The following ZNF385D variants were observed in gnomAD, a reference collection of about 807,000 sequenced individuals.
ZNF385D encodes the protein zinc finger protein 659.
ZNF385D carries 15 observed loss-of-function variants against 35.8 expected under a neutral mutation model. That is an observed-to-expected ratio of 0.42 (90% CI 0.28 to 0.64). The LOEUF (loss-of-function observed/expected upper bound fraction) is 0.64. ZNF385D is among the 30% of genes least tolerant of loss of function. The pLI is 0.23. For synonymous variants in ZNF385D, 212 were observed against 186.8 expected, an observed-to-expected ratio of 1.13 and a Z score of -1.10; for missense variants, 474 against 494.6, an observed-to-expected ratio of 0.96 and a Z score of 0.39.
At chr3:21,486,311 A>C (rs1379718734) in intron 4 of ZNF385D, among the ~76,000 whole-genome samples, 2 of 148,066 alleles carry the variant, frequency 1.4e-5, no homozygotes, top group African/African-American at 5.0e-5. Context: ...TTATAACTAC[A>C]TATGAAGAAA....
At chr3:21,928,247 A>G (rs1700832136) in intron 3 of ZNF385D, among the ~76,000 whole-genome samples, 1 of 137,518 alleles carries the variant, frequency 7.3e-6, no homozygotes, top group African/African-American at 2.7e-5. Context: ...CGGAAGGAAG[A>G]AAGGAAGGAA....
intron 1 of ZNF385D, among the ~76,000 whole-genome samples, chr3:21,725,651 A>G (rs764067637): frequency 1.6e-4 from 24 of 152,344 alleles, no homozygotes; most frequent in South Asian, 8.3e-4. Flanking sequence ...GAATCTCTGC[A>G]TAGAACAATA....
At chr3:22,256,088 T>TG (rs1366008284) in intron 2 of ZNF385D, among the ~76,000 whole-genome samples, 1 of 151,758 alleles carries the variant, frequency 6.6e-6, no homozygotes, top group East Asian at 1.9e-4. Flanking sequence ...CCATGGTGGA[T>TG]GCTTCCTGCC....
At chr3:21,856,271 A>G (rs1218576179) in intron 3 of ZNF385D, among the ~76,000 whole-genome samples, 1 of 141,108 alleles carries the variant, frequency 7.1e-6, no homozygotes, top group Non-Finnish European at 1.5e-5. Flanking sequence ...AAGTGCAGAC[A>G]CTGGAATGTC....
At chr3:21,706,377 C>G (rs2067899725) in intron 1 of ZNF385D, among the ~76,000 whole-genome samples, 1 of 151,836 alleles carries the variant, frequency 6.6e-6, no homozygotes, top group Non-Finnish European at 1.5e-5. Flanking sequence ...ACACTGGGAT[C>G]AATGAAGAAC....
intron 3 of ZNF385D, among the ~76,000 whole-genome samples, chr3:21,949,575 C>G (rs1344345406): frequency 7.5e-5 from 7 of 93,862 alleles, no homozygotes; most frequent in Non-Finnish European, 1.5e-4. Flanking sequence ...TTTTTTAATA[C>G]TTTTAAGTTC....
At chr3:21,561,348 C>A (rs147957764) in intron 3 of ZNF385D, among the ~76,000 whole-genome samples, 7 of 152,160 alleles carry the variant, frequency 4.6e-5, no homozygotes, top group Admixed American at 3.3e-4. Flanking sequence ...TGGGCTGGAG[C>A]GCACAATTCC....
At chr3:22,244,359 G>A (rs1180434199) in intron 2 of ZNF385D, among the ~76,000 whole-genome samples, 4 of 34,286 alleles carry the variant, frequency 1.2e-4, no homozygotes, top group Admixed American at 5.6e-4. Flanking sequence ...CCAGACAACC[G>A]AATGTAAAAA....
At chr3:21,545,015 G>A (rs569815378) in intron 3 of ZNF385D, among the ~76,000 whole-genome samples, 24 of 152,304 alleles carry the variant, frequency 1.6e-4, no homozygotes, top group African/African-American at 5.5e-4. Context: ...GGTGAATAAT[G>A]CTAACATATG....
At chr3:22,196,593 AAT>A (rs1000780037) in intron 2 of ZNF385D, among the ~76,000 whole-genome samples, 1 of 151,974 alleles carries the variant, frequency 6.6e-6, no homozygotes, top group Non-Finnish European at 1.5e-5. Context: ...CAGAGATTAC[AAT>A]ATCTTTCCTC....
chr3:22,173,308 C>T (rs113493598), intron 2 of ZNF385D, among the ~76,000 whole-genome samples: 5,177 of 152,020 alleles, frequency 0.034, 142 homozygotes, highest in South Asian at 0.11. Flanking sequence ...CCAAATAAAA[C>T]GTAGAGTATC....
At chr3:22,304,205 T>C (rs746094909) in intron 2 of ZNF385D, among the ~76,000 whole-genome samples, 13 of 152,234 alleles carry the variant, frequency 8.5e-5, no homozygotes, top group Non-Finnish European at 1.5e-4. Flanking sequence ...CTCTAAAGAA[T>C]ATCCCTGTAT....
At chr3:21,773,949 A>C (rs190248194) in intron 3 of ZNF385D, among the ~76,000 whole-genome samples, 18 of 152,000 alleles carry the variant, frequency 1.2e-4, no homozygotes, top group African/African-American at 4.3e-4. Flanking sequence ...AAATCATTCT[A>C]TTGTAAAGAT....
chr3:21,842,085 T>A lies in ZNF385D; in HGVS notation c.326-177057A>T, dbSNP rs1183844864. On this transcript the variant is annotated intron_variant, in intron 3 of 5. Transcript: ENST00000494108. ...TAAAATTTAGATTTTTTGTTAAATTTAAAACTATATGTTATTTTAAAGCTG... is the reference window on the plus strand; with the variant it reads ...TAAAATTTAGATTTTTTGTTAAATTAAAAACTATATGTTATTTTAAAGCTG... Among the ~76,000 whole-genome samples the A allele has an allele frequency of 3.9e-5, 6 of 152,056 alleles. No homozygotes were observed. The East Asian group carries it at 1.2e-3, about 29-fold the overall frequency.
At chr3:21,623,852 A>T (rs1049464065) in intron 2 of ZNF385D, among the ~76,000 whole-genome samples, 4 of 152,228 alleles carry the variant, frequency 2.6e-5, no homozygotes, top group Non-Finnish European at 2.9e-5. Context: ...TGAGCTGAAG[A>T]TTCTCTTTCT....
intron 5 of ZNF385D, among the ~76,000 whole-genome samples, chr3:21,432,324 G>A (rs924428023): frequency 2.0e-5 from 3 of 152,014 alleles, no homozygotes; most frequent in African/African-American, 4.8e-5. Context: ...AACCCTCTGA[G>A]CATTTTAAAA....
At chr3:22,264,724 A>C (rs62246555) in intron 2 of ZNF385D, among the ~76,000 whole-genome samples, 2,553 of 152,132 alleles carry the variant, frequency 0.017, 58 homozygotes, top group South Asian at 0.097. Flanking sequence ...TTAGGTGATT[A>C]ATGAATACTT....
intron 3 of ZNF385D, among the ~76,000 whole-genome samples, chr3:22,103,158 C>T (rs766687638): frequency 6.6e-6 from 1 of 151,070 alleles, no homozygotes; most frequent in Non-Finnish European, 1.5e-5. Context: ...CAAGATACTG[C>T]GGTTGTACAA....
At chr3:21,674,309 G>C (rs991669198) in intron 1 of ZNF385D, among the ~76,000 whole-genome samples, 2 of 151,978 alleles carry the variant, frequency 1.3e-5, no homozygotes, top group Admixed American at 1.3e-4. Context: ...ATGAGTGAGG[G>C]TATCATAATG....
Sources: gnomAD v4.1 joint callset for allele counts (sites outside exome capture counted in the v4.1 genomes callset) on GRCh38, gnomAD v4.1.1 for gene constraint, MANE v1.5 for transcripts, NCBI Gene and HGNC (gene_info 2026-07-23, HGNC 2026-07-21) for gene names.